Variants in KCNH1 observed in about 807,000 individuals in gnomAD.
KCNH1 encodes potassium voltage-gated channel subfamily H member 1, also known as voltage-gated delayed rectifier potassium channel KCNH1.
In KCNH1, 27 loss-of-function variants were observed where a neutral mutation model predicts 69.2. The observed-to-expected ratio is 0.39, with a 90% CI of 0.29 to 0.54. The LOEUF (loss-of-function observed/expected upper bound fraction) is 0.54. KCNH1 is among the 20% of genes least tolerant of loss of function. The probability of loss-of-function intolerance (pLI) is 0.68; values close to 1 mark genes in which losing one functional copy is unlikely to be tolerated. For missense variants in KCNH1, 798 were observed against 1,261.6 expected, an observed-to-expected ratio of 0.63 and a Z score of 5.57; for synonymous variants, 456 against 487.7, an observed-to-expected ratio of 0.93 and a Z score of 0.86.
At chr1:211,000,976 C>A (rs1025549305) in intron 6 of KCNH1, among the ~76,000 whole-genome samples, 1 of 151,994 alleles carries the variant, frequency 6.6e-6, no homozygotes, top group Non-Finnish European at 1.5e-5. Context: ...AAAGCTGAAA[C>A]TGGATCCCTT....
chr1:210,727,588 T>TA (rs140263977), intron 10 of KCNH1, among the ~76,000 whole-genome samples: 3,514 of 151,842 alleles, frequency 0.023, 115 homozygotes, highest in East Asian at 0.15. Flanking sequence ...ATTCACAATC[T>TA]AAAAAAAATG....
At chr1:210,859,683 TA>T in intron 7 of KCNH1, 3 of 1,278,564 alleles carry the variant, frequency 2.3e-6, no homozygotes, top group Non-Finnish European at 3.4e-6. Context: ...ATCCATTAAA[TA>T]AAAGGATAAA....
intron 7 of KCNH1, among the ~76,000 whole-genome samples, chr1:210,912,107 GT>G (rs1687244244): frequency 6.6e-6 from 1 of 152,142 alleles, no homozygotes; most frequent in Admixed American, 6.5e-5. Context: ...TCTGAACTCA[GT>G]TTTCTTATCT....
chr1:210,935,936 A>C (rs1238465926), intron 6 of KCNH1, among the ~76,000 whole-genome samples: 3 of 152,242 alleles, frequency 2.0e-5, no homozygotes, highest in Non-Finnish European at 4.4e-5. Flanking sequence ...TTAGCCATTC[A>C]CTTGGCCTAA....
In KCNH1 at chr1:210,775,304, CAG is replaced by C. The variant is rs757001314; in HGVS notation, c.2112+42_2112+43del. 9 of 1,547,674 alleles carry C rather than the reference CAG, an allele frequency of 5.8e-6. No homozygotes were observed. The East Asian group carries it at 1.8e-4, about 31-fold the overall frequency. The stretch of plus-strand genomic sequence containing the variant: ...GGTCACAGTGATTATCCAAAGTGTA[CAG>C]AGACTGTTCTTTGTGGAAAATAACT... On this transcript the variant is annotated intron_variant, in intron 10 of 10. Transcript: ENST00000271751.
intron 10 of KCNH1, among the ~76,000 whole-genome samples, chr1:210,718,492 GTA>G (rs1221952922): frequency 2.4e-4 from 5 of 20,944 alleles, no homozygotes; most frequent in African/African-American, 8.5e-4. Context: ...ATACATATAT[GTA>G]TATATATAAA....
chr1:210,752,012 G>T (rs1391690714), intron 10 of KCNH1, among the ~76,000 whole-genome samples: 1 of 152,124 alleles, frequency 6.6e-6, no homozygotes, highest in Non-Finnish European at 1.5e-5. Flanking sequence ...ATTGGGTTTT[G>T]ATGGGAGGAG....
rs181331216 is a variant in KCNH1 at position 210,998,926 on chromosome 1, T to C, written c.1032+19857A>G. Among the ~76,000 whole-genome samples the C allele has an allele frequency of 6.5e-3, 987 of 152,130 alleles. 3 individuals are homozygous for C. Among genetic ancestry groups the C allele is most frequent in the Non-Finnish European group, 0.011 (744 of 67,980 alleles). The stretch of plus-strand genomic sequence containing the variant: ...TCCTGAATGACTACTGGGTACATAA[T>C]GAAATGAAGGCAGAAATAAAGATGT... On this transcript the variant is annotated intron_variant, in intron 6 of 10. Coordinates refer to ENST00000271751, the MANE Select transcript of KCNH1 (RefSeq NM_172362.3).
chr1:210,860,542 A>G, intron 7 of KCNH1: 1 of 859,550 alleles, frequency 1.2e-6, no homozygotes, highest in South Asian at 1.3e-5. Context: ...CTGTTGTGTC[A>G]TTTCTACTGC....
intron 5 of KCNH1, among the ~76,000 whole-genome samples, chr1:211,058,085 T>G (rs991811484): frequency 6.6e-6 from 1 of 152,194 alleles, no homozygotes; most frequent in African/African-American, 2.4e-5. Context: ...AGGAAAAAAT[T>G]TCTTATCCTA....
Position 211,090,647 on chromosome 1 carries a change from G to C in KCNH1, c.354C>G (p.Asn118Lys), listed in dbSNP as rs140856802. 1.9e-6 allele frequency: 3 copies of C among 1,606,952 alleles called. No homozygotes were observed. The highest frequency in any genetic ancestry group is 2.5e-6 in the Non-Finnish European group (3 of 1,178,524). The change falls in exon 4 of 11, where the codon AAC becomes AAG. Residue 118 changes from asparagine to lysine, a missense_variant. Transcript: ENST00000271751. ...WFFVKIAPIR[N>K]EQDKVVLFLC... ...GAAATAAAACCACTTTATCCTGTTC[G>C]TTTCGAATTGGAGCAATTTTCACAA... is the stretch of plus-strand genomic sequence containing the variant.
At chr1:210,737,260 G>C (rs529423898) in intron 10 of KCNH1, among the ~76,000 whole-genome samples, 1 of 152,134 alleles carries the variant, frequency 6.6e-6, no homozygotes, top group Non-Finnish European at 1.5e-5. Flanking sequence ...ACACCCAAAG[G>C]GAAGAGACTG....
chr1:210,688,204 C>T (rs564715458), intron 10 of KCNH1, among the ~76,000 whole-genome samples: 10 of 152,274 alleles, frequency 6.6e-5, no homozygotes, highest in Non-Finnish European at 1.2e-4. Context: ...GAAAGAACCC[C>T]GTCTGGAAAA....
At chr1:211,128,045 C>T (rs1490168655) in intron 1 of KCNH1, among the ~76,000 whole-genome samples, 1 of 152,074 alleles carries the variant, frequency 6.6e-6, no homozygotes, top group Non-Finnish European at 1.5e-5. Context: ...AATCTCAACA[C>T]TTTGGAAGGC....
At chr1:211,118,666 C>T (rs1427354273) in intron 1 of KCNH1, among the ~76,000 whole-genome samples, 1 of 152,212 alleles carries the variant, frequency 6.6e-6, no homozygotes, top group African/African-American at 2.4e-5. Context: ...GTTTCTCCAA[C>T]TGATGAGGCA....
chr1:210,688,695 C>T (rs1681460516), intron 10 of KCNH1, among the ~76,000 whole-genome samples: 1 of 152,198 alleles, frequency 6.6e-6, no homozygotes, highest in African/African-American at 2.4e-5. Flanking sequence ...CTTACATGAG[C>T]TCAGAGAGCT....
Position 211,082,807 on chromosome 1 carries a change from A to T in KCNH1, c.531T>A (p.Asn177Lys), listed in dbSNP as rs774861794. ...QLAPSVQKGE[N>K]VHKHSRLAEV... ...CTGCCAGGCGGGAGTGCTTGTGGAC[A>T]TTCTCGCCTTTTTGCACGCTTGGAG... The change falls in exon 5 of 11, where the codon AAT (asparagine) becomes AAA (lysine). Residue 177 changes from asparagine to lysine, a missense_variant. Physicochemically the swap from Asn to Lys is moderately conservative, Grantham distance 94. Transcript: ENST00000271751. The T allele has an allele frequency of 1.2e-6, 2 of 1,614,076 alleles. No individual in the cohort carries two copies. Among genetic ancestry groups the T allele is most frequent in the South Asian group, 2.2e-5 (2 of 91,082 alleles).
rs1206480181 is a variant in KCNH1 at position 210,776,966 on chromosome 1, C to T, written c.1916-1422G>A. Among the ~76,000 whole-genome samples the T allele has an allele frequency of 2.6e-5, 4 of 152,012 alleles. No homozygotes were observed. In the East Asian group the frequency reaches 5.8e-4, roughly 22 times the overall value. ...TTATCTTGCCTCTAAATTTTCAGCA[C>T]GATAAACACAAATTTGAATCCCCAG... On this transcript the variant is annotated intron_variant, in intron 9 of 10. Transcript: ENST00000271751.
intron 6 of KCNH1, among the ~76,000 whole-genome samples, chr1:210,989,869 C>T (rs929871029): frequency 6.6e-6 from 1 of 152,124 alleles, no homozygotes; most frequent in East Asian, 1.9e-4. Context: ...TTATAAGTGG[C>T]ACTTTGTAAC....
Sources: allele counts gnomAD v4.1 joint callset (sites outside exome capture counted in the v4.1 genomes callset), GRCh38; gene constraint gnomAD v4.1.1; transcripts MANE v1.5; gene names NCBI Gene and HGNC (gene_info 2026-07-23, HGNC 2026-07-21).